CPNE2: variants seen among roughly 807,000 people sequenced by gnomAD.
CPNE2 encodes copine 2.
CPNE2 carries 42 observed loss-of-function variants against 69.7 expected under a neutral mutation model. That is an observed-to-expected ratio of 0.60 (90% CI 0.47 to 0.78). CPNE2 has a LOEUF of 0.78. Among genes scored for constraint, CPNE2 ranks in the 30% least tolerant of loss-of-function variants. The probability of loss-of-function intolerance (pLI) is 0.00; values close to 1 mark genes in which losing one functional copy is unlikely to be tolerated. For synonymous variants in CPNE2, 294 were observed against 289.8 expected (o/e 1.01, Z -0.15); for missense variants, 587 against 732.0 (o/e 0.80, Z 2.29).
intron 14 of CPNE2, 136 bp downstream of exon 14, chr16:57,137,418 A>G: frequency 5.0e-6 from 6 of 1,188,718 alleles, no homozygotes; most frequent in Non-Finnish European, 7.0e-6. Flanking sequence ...CACGTATTGT[A>G]AAAGTTGAGT....
In CPNE2 at chr16:57,114,571, T is replaced by TG. The variant is rs1434744822; in HGVS notation, c.361-904dup. On this transcript the variant is annotated intron_variant, in intron 3 of 15. Coordinates refer to ENST00000290776, the MANE Select transcript of CPNE2 (RefSeq NM_152727.6). ...AGGGCACAGAGCAGGTGTGTGGATCTGCGGAGAAGAACTAGCCCCACAGGA... is the reference window on the plus strand; with the variant it reads ...AGGGCACAGAGCAGGTGTGTGGATCTGGCGGAGAAGAACTAGCCCCACAGGA... 4.6e-5 allele frequency among the ~76,000 whole-genome samples: 7 copies of TG among 152,032 alleles called. No homozygotes were observed. In the South Asian group the frequency reaches 1.0e-3, roughly 23 times the overall value.
intron 7 of CPNE2, among the ~76,000 whole-genome samples, chr16:57,120,368 A>G (rs1185109733): frequency 6.6e-6 from 1 of 151,180 alleles, no homozygotes; most frequent in African/African-American, 2.4e-5. Context: ...ATGTCAGGAG[A>G]TTGAGACCAC....
intron 1 of CPNE2, among the ~76,000 whole-genome samples, chr16:57,099,741 A>G (rs946618916): frequency 1.6e-4 from 23 of 146,918 alleles, no homozygotes; most frequent in African/African-American, 5.6e-4. Context: ...AGCTGGGATT[A>G]CAGGCATCCG....
chr16:57,117,162 T>C (rs1395399822), intron 4 of CPNE2, among the ~76,000 whole-genome samples: 2 of 152,032 alleles, frequency 1.3e-5, no homozygotes, highest in African/African-American at 4.8e-5. Context: ...AGAAGGCCGG[T>C]CATGCTGCTC....
intron 2 of CPNE2, among the ~76,000 whole-genome samples, chr16:57,112,555 G>T (rs1428168889): frequency 6.6e-6 from 1 of 152,106 alleles, no homozygotes; most frequent in Non-Finnish European, 1.5e-5. Context: ...CACAGCCTGG[G>T]CCCCAAAATA....
intron 5 of CPNE2, among the ~76,000 whole-genome samples, chr16:57,118,031 C>T (rs113421929): frequency 1.7e-4 from 26 of 152,278 alleles, no homozygotes; most frequent in African/African-American, 4.8e-4. Context: ...AATTTTCTCA[C>T]GGCACCCTCT....
chr16:57,125,894 C>T lies in CPNE2; in HGVS notation c.962C>T (p.Pro321Leu), dbSNP rs2069797414. 1 of 1,614,170 alleles carries T rather than the reference C, an allele frequency of 6.2e-7. No homozygotes were observed. ...GACTTTACAGCCTCCAACGGGAATC[C>T]CCTCGACCCTTCCTCTTTGCACTAT... ...GIDFTASNGN[P>L]LDPSSLHYIN... The change falls in exon 11 of 16, where the codon CCC (proline) becomes CTC (leucine). Residue 321 changes from proline (P) to leucine (L), a missense_variant. Physicochemically the swap from Pro to Leu is moderately conservative, Grantham distance 98. Transcript: ENST00000290776.
At chr16:57,139,007 A>C (rs1399612053) in intron 14 of CPNE2, among the ~76,000 whole-genome samples, 3 of 152,230 alleles carry the variant, frequency 2.0e-5, no homozygotes, top group Admixed American at 2.0e-4. Context: ...GCTGCCTAGA[A>C]AGAATGATTT....
intron 11 of CPNE2, among the ~76,000 whole-genome samples, chr16:57,126,459 G>A (rs1210839065): frequency 1.3e-5 from 2 of 151,044 alleles, no homozygotes; most frequent in African/African-American, 2.5e-5. Flanking sequence ...TAGCATGCAC[G>A]GACCCTCCTC....
intron 2 of CPNE2, 111 bp from the exon 3 acceptor site, chr16:57,113,177 G>C: frequency 1.0e-6 from 1 of 992,294 alleles, no homozygotes; most frequent in Non-Finnish European, 1.5e-6. Context: ...GACCACAAGA[G>C]CCTGGCACAG....
chr16:57,134,392 T>C (rs2069861486), intron 12 of CPNE2, among the ~76,000 whole-genome samples: 2 of 152,172 alleles, frequency 1.3e-5, no homozygotes, highest in Admixed American at 1.3e-4. Context: ...AGCGGTGCTC[T>C]AGTTGTGGAG....
At chr16:57,112,927 A>G (rs2069690967) in intron 2 of CPNE2, 1 of 186,994 alleles carries the variant, frequency 5.3e-6, no homozygotes, top group South Asian at 1.9e-4. Flanking sequence ...ACGGAGGCCC[A>G]GATGGGGAAA....
At chr16:57,115,732 G>T (rs1359982111) in intron 4 of CPNE2, among the ~76,000 whole-genome samples, 182 bp downstream of exon 4, 1 of 152,214 alleles carries the variant, frequency 6.6e-6, no homozygotes, top group Non-Finnish European at 1.5e-5. Flanking sequence ...TGCAGTGGGG[G>T]CTGACAAGCT....
At chr16:57,128,758 C>T (rs2069817988) in intron 12 of CPNE2, among the ~76,000 whole-genome samples, 1 of 152,198 alleles carries the variant, frequency 6.6e-6, no homozygotes, top group South Asian at 2.1e-4. Context: ...CCCCTCCATC[C>T]TCTCGCTGTG....
In CPNE2 at chr16:57,098,420, G is replaced by A. The variant is rs767725063; in HGVS notation, c.-36+5630G>A. Among the ~76,000 whole-genome samples, 7 of 152,222 alleles carry A rather than the reference G, an allele frequency of 4.6e-5. 1 individual carries two copies. In the South Asian group the frequency reaches 6.2e-4, roughly 14 times the overall value. On this transcript the variant is annotated intron_variant, in intron 1 of 15. Transcript: ENST00000290776. ...GCCTGCTCCCCGGGGGCTGCCTGTC[G>A]CCTGGCAGGAGCTGGTGCAGCAATG... is the stretch of plus-strand genomic sequence containing the variant.
Position 57,125,719 on chromosome 16 carries a change from G to A in CPNE2, c.928-141G>A, listed in dbSNP as rs545749133. 5 of 1,005,558 alleles carry A rather than the reference G, an allele frequency of 5.0e-6. No homozygotes were observed. The African/African-American group carries it at 6.5e-5, about 13-fold the overall frequency. 62.3% of individuals were successfully genotyped at this position (1,005,558 alleles called of 1,614,324 possible). ...GAGTGATACAATCAGAGCATTTCTA[G>A]GTTTCAGACCATCTTATTGTGGGGA... On this transcript the variant is annotated intron_variant, in intron 10 of 15. Transcript: ENST00000290776.
intron 1 of CPNE2, among the ~76,000 whole-genome samples, chr16:57,093,790 T>C (rs2069560333): frequency 6.6e-6 from 1 of 152,220 alleles, no homozygotes; most frequent in East Asian, 1.9e-4. Context: ...GTTGGGGGGC[T>C]TTTTCTGCCC....
intron 1 of CPNE2, among the ~76,000 whole-genome samples, chr16:57,099,597 G>A (rs1027635723): frequency 1.3e-5 from 2 of 148,228 alleles, no homozygotes; most frequent in African/African-American, 5.0e-5. Context: ...GTGGGGGTGG[G>A]TGCATAGTGC....
chr16:57,117,608 C>T (rs1404620040), intron 5 of CPNE2, 41 bp downstream of exon 5: 12 of 1,599,186 alleles, frequency 7.5e-6, no homozygotes, highest in Non-Finnish European at 1.0e-5. Flanking sequence ...GGAACAGTAG[C>T]CCCCACCAGC....
Sources: allele counts gnomAD v4.1 joint callset (sites outside exome capture counted in the v4.1 genomes callset), GRCh38; gene constraint gnomAD v4.1.1; transcripts MANE v1.5; gene names NCBI Gene and HGNC (gene_info 2026-07-23, HGNC 2026-07-21).